CACNA1E: variants seen among roughly 807,000 people sequenced by gnomAD.
CACNA1E encodes the protein voltage-dependent R-type calcium channel subunit alpha-1E.
Under a neutral mutation model 259.2 loss-of-function variants are expected in CACNA1E, and 40 were observed. The observed-to-expected ratio is 0.15, with a 90% CI of 0.12 to 0.20. The LOEUF is 0.20. Ranked by LOEUF, CACNA1E falls within the 10% of genes least tolerant of loss-of-function variation. The probability of loss-of-function intolerance (pLI) is 1.00; values close to 1 mark genes in which losing one functional copy is unlikely to be tolerated. For missense variants in CACNA1E, 1,874 were observed against 3,040.1 expected (o/e 0.62, Z 9.02); for synonymous variants, 1,104 against 1,138.5 (o/e 0.97, Z 0.61).
At chr1:181,599,811 G>A (rs1653561337) in intron 6 of CACNA1E, among the ~76,000 whole-genome samples, 1 of 152,154 alleles carries the variant, frequency 6.6e-6, no homozygotes, top group Non-Finnish European at 1.5e-5. Context: ...TGTTAAATGA[G>A]GCAAATTTGT....
chr1:181,752,284 C>A, intron 27 of CACNA1E, 45 bp downstream of exon 27: 2 of 1,384,272 alleles, frequency 1.4e-6, no homozygotes, highest in Non-Finnish European at 2.1e-6. Flanking sequence ...CTTCTCCCAT[C>A]TTCTCTCTTT....
chr1:181,699,044 T>A (rs1243203156), intron 7 of CACNA1E, among the ~76,000 whole-genome samples: 1 of 152,204 alleles, frequency 6.6e-6, no homozygotes, highest in African/African-American at 2.4e-5. Flanking sequence ...AGAATAGGTG[T>A]ACAGCTTGTT....
chr1:181,790,668 G>T, intron 44 of CACNA1E, 112 bp downstream of exon 44: 1 of 741,270 alleles, frequency 1.3e-6, no homozygotes, highest in South Asian at 1.6e-5. Flanking sequence ...TAGTAGTTTA[G>T]CCAGTTGCCC....
At chr1:181,551,483 C>T (rs570785553) in intron 3 of CACNA1E, among the ~76,000 whole-genome samples, 13 of 152,236 alleles carry the variant, frequency 8.5e-5, no homozygotes, top group South Asian at 8.3e-4. Context: ...TCACTTGCTG[C>T]GGTGTTGAAA....
At chr1:181,507,261 C>G (rs1665788694) in intron 1 of CACNA1E, among the ~76,000 whole-genome samples, 1 of 152,188 alleles carries the variant, frequency 6.6e-6, no homozygotes, top group Non-Finnish European at 1.5e-5. Flanking sequence ...ACCCAGATAC[C>G]TGGCCAGTCA....
intron 6 of CACNA1E, among the ~76,000 whole-genome samples, chr1:181,645,959 G>A (rs1480093265): frequency 6.6e-6 from 1 of 152,234 alleles, no homozygotes; most frequent in Non-Finnish European, 1.5e-5. Context: ...GTGCTGGCCT[G>A]TGAGGTGCAG....
At chr1:181,780,433 C>G (rs1660326050) in intron 38 of CACNA1E, among the ~76,000 whole-genome samples, 1 of 152,178 alleles carries the variant, frequency 6.6e-6, no homozygotes, top group Non-Finnish European at 1.5e-5. Context: ...GGTAAGGAAC[C>G]CTCTCCTGGT....
chr1:181,729,470 G>A (rs1558315192), intron 18 of CACNA1E, among the ~76,000 whole-genome samples: 1 of 152,212 alleles, frequency 6.6e-6, no homozygotes, highest in African/African-American at 2.4e-5. Flanking sequence ...AAACACAGAA[G>A]AAGCACTGTT....
intron 2 of CACNA1E, among the ~76,000 whole-genome samples, chr1:181,452,658 C>G (rs1661234609): frequency 1.3e-5 from 2 of 152,210 alleles, no homozygotes; most frequent in Admixed American, 1.3e-4. Context: ...AAAACCTACT[C>G]TATGCTGTCT....
intron 1 of CACNA1E, among the ~76,000 whole-genome samples, chr1:181,388,106 G>A (rs995494834): frequency 2.0e-5 from 3 of 152,156 alleles, no homozygotes; most frequent in African/African-American, 4.8e-5. Flanking sequence ...GTTTCTCCCC[G>A]GAGAGTGGAG....
intron 26 of CACNA1E, among the ~76,000 whole-genome samples, chr1:181,751,750 C>T (rs1657616813): frequency 6.6e-6 from 1 of 152,186 alleles, no homozygotes; most frequent in African/African-American, 2.4e-5. Context: ...GGCTACTGCT[C>T]ACGTTCCCTA....
At chr1:181,462,074 T>C (rs188431203) in intron 2 of CACNA1E, among the ~76,000 whole-genome samples, 3 of 152,356 alleles carry the variant, frequency 2.0e-5, no homozygotes, top group East Asian at 1.9e-4. Flanking sequence ...TCATTAAATA[T>C]AGTTTTACCA....
chr1:181,740,451 CTT>C (rs1194194448), intron 25 of CACNA1E, among the ~76,000 whole-genome samples: 2 of 150,994 alleles, frequency 1.3e-5, no homozygotes, highest in Non-Finnish European at 2.9e-5. Context: ...GCTGCTGTCT[CTT>C]ATCCTTTCTG....
rs572337472 is a variant in CACNA1E at position 181,732,722 on chromosome 1, G to A, written c.2636G>A (p.Arg879Gln). ...AGGACCCCTTTGTCCCTGGGCCAGCGGGAGCCACCATGGCTGGCCAGGCCC... is the reference window on the plus strand; with the variant it reads ...AGGACCCCTTTGTCCCTGGGCCAGCAGGAGCCACCATGGCTGGCCAGGCCC... ...NQRTPLSLGQ[R>Q]EPPWLARPCH... The change falls in exon 20 of 48, where the codon CGG becomes CAG. Residue 879 changes from arginine to glutamine, a missense_variant. This residue lies in a region of CACNA1E where 476 missense variants were observed against 514.0 expected (regional missense o/e 0.93). Coordinates refer to ENST00000367573, the MANE Select transcript of CACNA1E (RefSeq NM_001205293.3). The surrounding 1 kb of genome is among the most constrained non-coding windows in gnomAD (Gnocchi z 5.5). 98 of 1,545,444 alleles carry A rather than the reference G, an allele frequency of 6.3e-5. No homozygotes were observed. The East Asian group carries it at 1.3e-3, about 21-fold the overall frequency.
At chr1:181,397,730 C>A (rs565361336) in intron 1 of CACNA1E, among the ~76,000 whole-genome samples, 3 of 152,198 alleles carry the variant, frequency 2.0e-5, no homozygotes, top group Non-Finnish European at 4.4e-5. Context: ...TGTCCCTCCC[C>A]CTCATCCCGT....
At chr1:181,763,576 C>G in intron 34 of CACNA1E, 45 bp downstream of exon 34, 1 of 1,452,860 alleles carries the variant, frequency 6.9e-7, no homozygotes, top group Non-Finnish European at 9.3e-7. Context: ...TCATATCAGA[C>G]AGTACAGCCA....
rs113947217 is a variant in CACNA1E at position 181,624,056 on chromosome 1, C to A, written c.952-27282C>A. 3.8e-3 allele frequency among the ~76,000 whole-genome samples: 586 copies of A among 152,246 alleles called. 4 individuals are homozygous for A. The highest frequency in any genetic ancestry group is 0.014 in the African/African-American group (562 of 41,540). The stretch of plus-strand genomic sequence containing the variant: ...AGCTGCTCCCACTCATGGTGGAAGG[C>A]GAAGGGGAGCCTGCCACATGGTGAG... On this transcript the variant is annotated intron_variant, in intron 6 of 47. Transcript: ENST00000367573.
At chr1:181,490,924 G>A (rs544626110) in intron 1 of CACNA1E, among the ~76,000 whole-genome samples, 27 of 152,274 alleles carry the variant, frequency 1.8e-4, no homozygotes, top group South Asian at 1.0e-3. Flanking sequence ...GCAGGACATC[G>A]TGCGTGGCCT....
At chr1:181,496,643 C>CCTAATGAG (rs1177706009) in intron 1 of CACNA1E, among the ~76,000 whole-genome samples, 5 of 152,198 alleles carry the variant, frequency 3.3e-5, no homozygotes, top group African/African-American at 9.6e-5. Context: ...TGGAAATTTG[C>CCTAATGAG]CTAATGAGCT....
Sources: gnomAD v4.1 joint callset for allele counts (sites outside exome capture counted in the v4.1 genomes callset) on GRCh38, gnomAD v4.1.1 for gene constraint, gnomAD v4.1.1 regional missense constraint, Gnocchi (gnomAD v3.1) non-coding constraint, MANE v1.5 for transcripts, NCBI Gene and HGNC (gene_info 2026-07-23, HGNC 2026-07-21) for gene names.